The following ZBTB44 variants were observed in gnomAD, a reference collection of about 807,000 sequenced individuals.
ZBTB44 encodes zinc finger and BTB domain containing 44, also known as zinc finger and BTB domain-containing protein 44.
ZBTB44 carries 15 observed loss-of-function variants against 54.0 expected under a neutral mutation model. The ratio of observed to expected loss-of-function variants is 0.28; its 90% CI spans 0.19 to 0.43. ZBTB44 has a LOEUF of 0.43. Ranked by LOEUF, ZBTB44 falls within the 20% of genes least tolerant of loss-of-function variation. ZBTB44 has a pLI of 1.00. For synonymous variants in ZBTB44, 230 were observed against 250.1 expected (o/e 0.92, Z 0.76); for missense variants, 487 against 707.1 (o/e 0.69, Z 3.53).
At chr11:130,298,203 G>A (rs1006508211) in intron 1 of ZBTB44, among the ~76,000 whole-genome samples, 1 of 151,862 alleles carries the variant, frequency 6.6e-6, no homozygotes, top group African/African-American at 2.4e-5. Flanking sequence ...GAGTGCAGAG[G>A]CACAATCACA....
At chr11:130,301,663 C>CAAAT (rs1220508928) in intron 1 of ZBTB44, among the ~76,000 whole-genome samples, 1 of 151,838 alleles carries the variant, frequency 6.6e-6, no homozygotes, top group African/African-American at 2.4e-5. Flanking sequence ...GATTCTGTCT[C>CAAAT]AAATAAATAA....
chr11:130,305,613 G>A (rs915028554), intron 1 of ZBTB44, among the ~76,000 whole-genome samples: 2 of 152,054 alleles, frequency 1.3e-5, no homozygotes, highest in African/African-American at 4.8e-5. Context: ...AACACAAGGT[G>A]GATCAAAGAC....
intron 3 of ZBTB44, 70 bp from the exon 4 acceptor site, chr11:130,238,677 A>G (rs1954218922): frequency 5.9e-6 from 8 of 1,365,214 alleles, no homozygotes; most frequent in Non-Finnish European, 7.7e-6. Flanking sequence ...GCTATAGGTC[A>G]ATTTTAAATG....
intron 1 of ZBTB44, among the ~76,000 whole-genome samples, chr11:130,289,173 C>G (rs115424123): frequency 6.0e-4 from 92 of 152,126 alleles, no homozygotes; most frequent in African/African-American, 2.1e-3. Context: ...CTGAACAAAT[C>G]TGCAACGTAG....
intron 1 of ZBTB44, among the ~76,000 whole-genome samples, chr11:130,263,127 G>A (rs1005586783): frequency 1.3e-5 from 2 of 152,216 alleles, no homozygotes; most frequent in African/African-American, 4.8e-5. Context: ...ACTGTTCCAT[G>A]TCAGACTTCA....
chr11:130,238,640 C>T, intron 3 of ZBTB44, 33 bp from the exon 4 acceptor site: 1 of 1,588,918 alleles, frequency 6.3e-7, no homozygotes, highest in South Asian at 1.2e-5. Context: ...GGCAACCAGG[C>T]TCTGATTTTT....
At chr11:130,295,758 C>A in intron 1 of ZBTB44, 2 of 1,512,562 alleles carry the variant, frequency 1.3e-6, no homozygotes, top group Non-Finnish European at 1.8e-6. Context: ...TTTTCTCAAA[C>A]CTGCAGTAGA....
intron 1 of ZBTB44, among the ~76,000 whole-genome samples, chr11:130,305,933 T>C (rs545972141): frequency 6.6e-6 from 1 of 151,446 alleles, no homozygotes; most frequent in African/African-American, 2.4e-5. Context: ...ACCAATCCTG[T>C]CAAAAAATGG....
chr11:130,261,891 A>G lies in ZBTB44; in HGVS notation c.-18T>C. On this transcript the variant is annotated 5_prime_UTR_variant, in exon 2 of 8. Coordinates refer to ENST00000357899, the MANE Select transcript of ZBTB44 (RefSeq NM_001301098.2). This position sits in a 1 kb window ranked among gnomAD's most constrained non-coding sequence, Gnocchi z 4.8. ...ACACCCATCTTTTACTTCCTCTTCT[A>G]CAGATGCTCTTCAAGGATGCAAATA... is the stretch of plus-strand genomic sequence containing the variant. 6.3e-7 allele frequency: 1 copy of G among 1,583,762 alleles called. No individual in the cohort carries two copies. The highest frequency in any genetic ancestry group is 8.6e-7 in the Non-Finnish European group (1 of 1,163,858).
intron 1 of ZBTB44, chr11:130,296,481 C>T: frequency 9.5e-7 from 1 of 1,052,808 alleles, no homozygotes; most frequent in Admixed American, 2.2e-5. Context: ...TTTGGGAACA[C>T]ATTGTGTACG....
chr11:130,260,833 G>T (rs780028316), intron 2 of ZBTB44, 23 bp downstream of exon 2: 10 of 1,564,742 alleles, frequency 6.4e-6, no homozygotes, highest in Non-Finnish European at 8.6e-6. Context: ...ATAGCACCAA[G>T]AAAAACACAG....
chr11:130,305,954 A>G (rs941511892), intron 1 of ZBTB44, among the ~76,000 whole-genome samples: 1 of 152,196 alleles, frequency 6.6e-6, no homozygotes, highest in Non-Finnish European at 1.5e-5. Context: ...GTTAAAAAAA[A>G]CATAGACAAT....
chr11:130,238,383 G>C, intron 4 of ZBTB44, 61 bp downstream of exon 4: 1 of 1,439,112 alleles, frequency 6.9e-7, no homozygotes, highest in Non-Finnish European at 9.2e-7. Context: ...TTTTAACTGG[G>C]ACTGCAAAAT....
intron 5 of ZBTB44, among the ~76,000 whole-genome samples, chr11:130,235,907 T>C (rs956798457): frequency 4.6e-5 from 7 of 151,718 alleles, no homozygotes; most frequent in African/African-American, 1.7e-4. Flanking sequence ...GAGGCTGAGG[T>C]TGCAGTAAGC....
chr11:130,293,546 A>C (rs1335828085), intron 1 of ZBTB44, among the ~76,000 whole-genome samples: 1 of 151,048 alleles, frequency 6.6e-6, no homozygotes, highest in Non-Finnish European at 1.5e-5. Flanking sequence ...TTGGGAGGCC[A>C]AGGTAGGTGG....
chr11:130,304,180 G>C (rs112718746), intron 1 of ZBTB44, among the ~76,000 whole-genome samples: 1,977 of 152,032 alleles, frequency 0.013, 48 homozygotes, highest in African/African-American at 0.045. Context: ...AAAGAACAAA[G>C]AAAAACTAAT....
At chr11:130,271,334 C>CA (rs1246694774) in intron 1 of ZBTB44, among the ~76,000 whole-genome samples, 9 of 152,038 alleles carry the variant, frequency 5.9e-5, no homozygotes, top group African/African-American at 1.4e-4. Context: ...TTTCTCATCT[C>CA]AAAAAAACTA....
chr11:130,295,764 G>A, intron 1 of ZBTB44: 1 of 1,502,996 alleles, frequency 6.7e-7, no homozygotes, highest in East Asian at 2.3e-5. Flanking sequence ...CAAACCTGCA[G>A]TAGAACTCAT....
intron 1 of ZBTB44, among the ~76,000 whole-genome samples, chr11:130,276,364 T>A (rs1385863855): frequency 2.0e-5 from 3 of 151,998 alleles, no homozygotes; most frequent in Admixed American, 2.0e-4. Flanking sequence ...GTTCCATAGA[T>A]GTCAGTTAGG....
Sources: gnomAD v4.1 joint callset for allele counts (sites outside exome capture counted in the v4.1 genomes callset) on GRCh38, gnomAD v4.1.1 for gene constraint, Gnocchi (gnomAD v3.1) non-coding constraint, MANE v1.5 for transcripts, NCBI Gene and HGNC (gene_info 2026-07-23, HGNC 2026-07-21) for gene names.